Variants in TMEM232 observed in about 807,000 individuals in gnomAD.
TMEM232 encodes the protein transmembrane protein 232.
TMEM232 carries 80 observed loss-of-function variants against 78.8 expected under a neutral mutation model. The ratio of observed to expected loss-of-function variants is 1.01; its 90% confidence interval spans 0.85 to 1.22. TMEM232 has a LOEUF of 1.22. TMEM232 is among the 50% of genes most tolerant of loss of function. The pLI, the probability that TMEM232 is intolerant of heterozygous loss-of-function variation, is 0.00. For missense variants in TMEM232, 881 were observed against 742.2 expected (o/e 1.19, Z -2.17); for synonymous variants, 297 against 254.3 (o/e 1.17, Z -1.60).
intron 11 of TMEM232, among the ~76,000 whole-genome samples, chr5:110,533,942 A>G (rs558882347): frequency 6.6e-6 from 1 of 152,170 alleles, no homozygotes; most frequent in Non-Finnish European, 1.5e-5. Context: ...ATCCTCAAAG[A>G]TATAACTTCT....
chr5:110,390,835 C>A (rs192138153), intron 3 of TMEM232, among the ~76,000 whole-genome samples: 1 of 152,210 alleles, frequency 6.6e-6, no homozygotes, highest in South Asian at 2.1e-4. Flanking sequence ...AAAGCCACGT[C>A]CCTGACTAAA....
At chr5:110,720,226 C>T (rs1039064874) in intron 1 of TMEM232, among the ~76,000 whole-genome samples, 1 of 152,094 alleles carries the variant, frequency 6.6e-6, no homozygotes, top group Admixed American at 6.6e-5. Flanking sequence ...TGCCTCTTCT[C>T]TTGTGAAACC....
At chr5:110,466,805 C>G (rs1018430769) in intron 12 of TMEM232, among the ~76,000 whole-genome samples, 4 of 151,622 alleles carry the variant, frequency 2.6e-5, no homozygotes, top group Non-Finnish European at 5.9e-5. Flanking sequence ...TTAGTAGAGA[C>G]GGGGTTTCGC....
At chr5:110,653,890 G>A (rs1327506704) in intron 2 of TMEM232, among the ~76,000 whole-genome samples, 7 of 152,094 alleles carry the variant, frequency 4.6e-5, no homozygotes, top group Non-Finnish European at 7.4e-5. Flanking sequence ...CAGAAATAAA[G>A]ATTTCAGATT....
In TMEM232 at chr5:110,642,676, C is replaced by T. The variant is rs79524380; in HGVS notation, c.126-305G>A. 8.0e-4 allele frequency among the ~76,000 whole-genome samples: 122 copies of T among 152,102 alleles called. No individual in the cohort carries two copies. The East Asian group carries it at 0.016, about 20-fold the overall frequency. ...AGCCTTCTTTAGATAAAATCCAGCACGGCTTCAATTATGTTGAAGGCTGAT... is the reference window on the plus strand; with the variant it reads ...AGCCTTCTTTAGATAAAATCCAGCATGGCTTCAATTATGTTGAAGGCTGAT... On this transcript the variant is annotated intron_variant, in intron 2 of 13. Transcript: ENST00000455884.
chr5:110,643,038 A>G (rs999388125), intron 2 of TMEM232, among the ~76,000 whole-genome samples: 9 of 152,028 alleles, frequency 5.9e-5, no homozygotes, highest in African/African-American at 9.7e-5. Flanking sequence ...TTGGATCAGG[A>G]TTACAGAATA....
chr5:110,477,183 A>T (rs563455984), intron 12 of TMEM232, among the ~76,000 whole-genome samples: 1 of 152,026 alleles, frequency 6.6e-6, no homozygotes, highest in African/African-American at 2.4e-5. Context: ...CATTAATGTA[A>T]CTTCTACAGA....
chr5:110,665,835 A>G (rs1027433219), intron 2 of TMEM232, among the ~76,000 whole-genome samples: 15 of 148,212 alleles, frequency 1.0e-4, no homozygotes, highest in Admixed American at 2.8e-4. Context: ...AGTGCCGATC[A>G]CTTGAGGCCA....
At chr5:110,637,636 C>T (rs1055807639) in intron 5 of TMEM232, among the ~76,000 whole-genome samples, 1 of 151,696 alleles carries the variant, frequency 6.6e-6, no homozygotes, top group Admixed American at 6.6e-5. Context: ...TCTTTCTTTG[C>T]AGTAAAACCA....
At chr5:110,569,606 A>G (rs1776713554) in intron 10 of TMEM232, among the ~76,000 whole-genome samples, 1 of 151,894 alleles carries the variant, frequency 6.6e-6, no homozygotes, top group Non-Finnish European at 1.5e-5. Flanking sequence ...GTGACAGTCC[A>G]TTGATGATTA....
intron 11 of TMEM232, among the ~76,000 whole-genome samples, chr5:110,536,206 C>T (rs1772330142): frequency 6.6e-6 from 1 of 152,208 alleles, no homozygotes; most frequent in Non-Finnish European, 1.5e-5. Context: ...GGGCCAATCT[C>T]TGGAGAAATG....
intron 10 of TMEM232, among the ~76,000 whole-genome samples, chr5:110,597,021 T>C (rs1160141937): frequency 6.6e-5 from 10 of 152,034 alleles, no homozygotes; most frequent in Non-Finnish European, 1.5e-4. Flanking sequence ...CCAGGGCAAT[T>C]AGGCAGGAGA....
intron 12 of TMEM232, among the ~76,000 whole-genome samples, chr5:110,452,004 A>C (rs1760351122): frequency 6.6e-6 from 1 of 152,170 alleles, no homozygotes; most frequent in Non-Finnish European, 1.5e-5. Context: ...AAATAGCTCA[A>C]CATATTCTAG....
At chr5:110,577,353 T>C (rs550972800) in intron 10 of TMEM232, among the ~76,000 whole-genome samples, 3 of 152,140 alleles carry the variant, frequency 2.0e-5, no homozygotes, top group South Asian at 2.1e-4. Context: ...AGAATGGCAA[T>C]TGTTAAAAGT....
intron 12 of TMEM232, among the ~76,000 whole-genome samples, chr5:110,474,429 A>C (rs931845447): frequency 6.6e-6 from 1 of 151,504 alleles, no homozygotes; most frequent in Non-Finnish European, 1.5e-5. Context: ...TATTCTTGGG[A>C]AAAAAAACCT....
At chr5:110,490,793 A>G (rs892236822) in intron 12 of TMEM232, among the ~76,000 whole-genome samples, 1 of 152,072 alleles carries the variant, frequency 6.6e-6, no homozygotes, top group African/African-American at 2.4e-5. Flanking sequence ...ATGAATGTGG[A>G]CTCTTATCTC....
At chr5:110,430,503 T>G (rs188579597) in intron 12 of TMEM232, among the ~76,000 whole-genome samples, 95 of 151,868 alleles carry the variant, frequency 6.3e-4, no homozygotes, top group Non-Finnish European at 1.2e-3. Flanking sequence ...TCAAAAGAGC[T>G]ACTATTTCAG....
chr5:110,420,765 G>C lies in TMEM232; in HGVS notation c.1798-9C>G, dbSNP rs902064078. ...TTTAGCTCTTCCTGCCACTGTTACAGAGAGAAAACGTCATTCACATGATTT... is the reference window on the plus strand; with the variant it reads ...TTTAGCTCTTCCTGCCACTGTTACACAGAGAAAACGTCATTCACATGATTT... On this transcript the variant is annotated splice_polypyrimidine_tract_variant and intron_variant, in intron 13 of 13. Transcript: ENST00000455884. 8.5e-5 allele frequency: 128 copies of C among 1,498,072 alleles called. No individual in the cohort carries two copies. Among genetic ancestry groups the C allele is most frequent in the Non-Finnish European group, 1.0e-4 (117 of 1,135,054 alleles). The allele number at this position is 1,498,072 out of a possible 1,614,324, so 92.8% of individuals were successfully genotyped here. A position where few individuals can be genotyped will look rare whatever the true frequency, so the allele number is the denominator to read the frequency against.
intron 8 of TMEM232, among the ~76,000 whole-genome samples, chr5:110,609,882 G>C (rs969383610): frequency 6.6e-6 from 1 of 152,066 alleles, no homozygotes; most frequent in Non-Finnish European, 1.5e-5. Flanking sequence ...AAAGGCTAAA[G>C]AGAGTATCAG....
Sources: gnomAD v4.1 joint callset for allele counts (sites outside exome capture counted in the v4.1 genomes callset) on GRCh38, gnomAD v4.1.1 for gene constraint, MANE v1.5 for transcripts, NCBI Gene and HGNC (gene_info 2026-07-23, HGNC 2026-07-21) for gene names.